The following CHL1 variants were observed in gnomAD, a reference collection of about 807,000 sequenced individuals.
CHL1 encodes the protein neural cell adhesion molecule L1-like protein.
CHL1 carries 96 observed loss-of-function variants against 141.9 expected under a neutral mutation model. The observed-to-expected ratio is 0.68, with a 90% CI of 0.57 to 0.80. The LOEUF is 0.80. Ranked by LOEUF, CHL1 falls within the 30% of genes least tolerant of loss-of-function variation. CHL1 has a pLI of 0.00. For synonymous variants in CHL1, 613 were observed against 502.2 expected (o/e 1.22, Z -2.95); for missense variants, 1,820 against 1,457.2 (o/e 1.25, Z -4.05).
chr3:284,169 A>G (rs576395784), intron 2 of CHL1, among the ~76,000 whole-genome samples: 1 of 152,334 alleles, frequency 6.6e-6, no homozygotes, highest in Admixed American at 6.5e-5. Context: ...GATATTACTA[A>G]TAAGTGTTTT....
intron 2 of CHL1, among the ~76,000 whole-genome samples, chr3:290,489 A>C (rs1028141725): frequency 2.6e-5 from 4 of 152,202 alleles, no homozygotes; most frequent in Admixed American, 2.0e-4. Flanking sequence ...ATCAGAAGCC[A>C]ATGAAAGACC....
At chr3:302,207 T>A (rs1698813943) in intron 2 of CHL1, among the ~76,000 whole-genome samples, 2 of 152,260 alleles carry the variant, frequency 1.3e-5, no homozygotes, top group South Asian at 4.1e-4. Flanking sequence ...ACAATAAACA[T>A]ACATGTGCAT....
intron 1 of CHL1, among the ~76,000 whole-genome samples, chr3:204,317 C>T (rs1222374457): frequency 2.6e-5 from 4 of 152,316 alleles, no homozygotes; most frequent in South Asian, 2.1e-4. Context: ...CCTGGGAAAG[C>T]GGAGATACAC....
intron 1 of CHL1, among the ~76,000 whole-genome samples, chr3:218,051 A>G (rs1001207537): frequency 2.0e-5 from 3 of 152,174 alleles, no homozygotes; most frequent in Non-Finnish European, 2.9e-5. Flanking sequence ...GTAAATTATA[A>G]CCCACAGCCC....
At chr3:395,084 C>A (rs1049848407) in intron 24 of CHL1, among the ~76,000 whole-genome samples, 1 of 152,170 alleles carries the variant, frequency 6.6e-6, no homozygotes, top group African/African-American at 2.4e-5. Flanking sequence ...TTATGGATTT[C>A]TGCGCAATAC....
intron 15 of CHL1, among the ~76,000 whole-genome samples, chr3:377,444 C>A (rs535310139): frequency 1.3e-5 from 2 of 152,240 alleles, no homozygotes; most frequent in Middle Eastern, 3.4e-3. Flanking sequence ...GCACTCCAAT[C>A]GAGCCTATAT....
chr3:320,927 T>C (rs1700515097), intron 3 of CHL1, among the ~76,000 whole-genome samples: 1 of 152,070 alleles, frequency 6.6e-6, no homozygotes, highest in African/African-American at 2.4e-5. Flanking sequence ...TGGTTGTTTA[T>C]TAGAATTTTA....
chr3:280,521 A>G (rs1322447137), intron 2 of CHL1, among the ~76,000 whole-genome samples: 1 of 152,200 alleles, frequency 6.6e-6, no homozygotes, highest in Non-Finnish European at 1.5e-5. Context: ...GTGCTGAAAC[A>G]ATTTTATTAC....
At chr3:285,016 A>G (rs1233953089) in intron 2 of CHL1, among the ~76,000 whole-genome samples, 1 of 152,252 alleles carries the variant, frequency 6.6e-6, no homozygotes, top group East Asian at 1.9e-4. Context: ...ACTATTTTGC[A>G]TATGCTTGCC....
chr3:313,798 A>C (rs1206075694), intron 2 of CHL1, among the ~76,000 whole-genome samples: 1 of 152,192 alleles, frequency 6.6e-6, no homozygotes, highest in Non-Finnish European at 1.5e-5. Flanking sequence ...AAAGTTGGTG[A>C]ATTAAGGATC....
intron 2 of CHL1, among the ~76,000 whole-genome samples, chr3:313,082 T>G (rs2124995957): frequency 6.6e-6 from 1 of 152,228 alleles, no homozygotes; most frequent in South Asian, 2.1e-4. Context: ...TTTTCCCTTC[T>G]TTTTTGGCTG....
At chr3:338,039 C>T (rs455145) in intron 5 of CHL1, among the ~76,000 whole-genome samples, 141,771 of 152,174 alleles carry the variant, frequency 0.93, 66,897 homozygotes, top group East Asian at 1. Flanking sequence ...CTTTTTTTGG[C>T]ATTTTTAGTA....
At chr3:284,630 T>G (rs1696965429) in intron 2 of CHL1, among the ~76,000 whole-genome samples, 1 of 152,246 alleles carries the variant, frequency 6.6e-6, no homozygotes, top group Non-Finnish European at 1.5e-5. Flanking sequence ...CTAGTGATTG[T>G]TCACTGAAAA....
At chr3:292,742 C>T (rs1413811872) in intron 2 of CHL1, among the ~76,000 whole-genome samples, 5 of 152,136 alleles carry the variant, frequency 3.3e-5, no homozygotes, top group East Asian at 3.9e-4. Flanking sequence ...GAAGGTGAAG[C>T]GGAAGCAGGC....
At chr3:297,233 TAAATA>T (rs1181261787) in intron 2 of CHL1, among the ~76,000 whole-genome samples, 1 of 151,240 alleles carries the variant, frequency 6.6e-6, no homozygotes, top group Non-Finnish European at 1.5e-5. Flanking sequence ...CTTAAGAAAA[TAAATA>T]AAATAAAATA....
chr3:247,241 C>T (rs1008940983), intron 2 of CHL1: 1 of 151,670 alleles, frequency 6.6e-6, no homozygotes, highest in African/African-American at 2.4e-5. Context: ...GGCTCCTGTA[C>T]CCTGAGGAGG....
rs56314608 is a variant in CHL1, at chr3:364,259, C to A, written c.1585+876C>A. ...TGAGTAAATCAGTGTGCCAGCCCCA[C>A]AGACTATATTTTTAAAGCACTCAAA... On this transcript the variant is annotated intron_variant, in intron 14 of 27. Transcript: ENST00000256509. Among the ~76,000 whole-genome samples the A allele has an allele frequency of 7.7e-3, 1,171 of 152,240 alleles. 12 individuals are homozygous for A. The highest frequency in any genetic ancestry group is 0.027 in the African/African-American group (1,118 of 41,530).
At chr3:404,907 A>G (rs1709412949) in intron 27 of CHL1, among the ~76,000 whole-genome samples, 1 of 152,182 alleles carries the variant, frequency 6.6e-6, no homozygotes, top group Admixed American at 6.5e-5. Context: ...GATTCTGAGA[A>G]GCCTAAGAGC....
chr3:343,224 T>TGTATTTATA (rs1211338124), intron 8 of CHL1, among the ~76,000 whole-genome samples, 193 bp downstream of exon 8: 1 of 152,126 alleles, frequency 6.6e-6, no homozygotes, highest in Admixed American at 6.5e-5. Context: ...TATAAATATA[T>TGTATTTATA]AACTGTATAA....
Sources: gnomAD v4.1 joint callset for allele counts (sites outside exome capture counted in the v4.1 genomes callset) on GRCh38, gnomAD v4.1.1 for gene constraint, MANE v1.5 for transcripts, NCBI Gene and HGNC (gene_info 2026-07-23, HGNC 2026-07-21) for gene names.